Variants in PRRG4 observed in about 807,000 individuals in gnomAD.
PRRG4 encodes transmembrane gamma-carboxyglutamic acid protein 4.
In PRRG4, 12 loss-of-function variants were observed where a neutral mutation model predicts 20.0. That is an observed-to-expected ratio of 0.60 (90% CI 0.38 to 0.97). The LOEUF (loss-of-function observed/expected upper bound fraction) is 0.97, where lower values mean the gene tolerates loss of function less well. Ranked by LOEUF, PRRG4 falls within the 50% of genes least tolerant of loss-of-function variation. PRRG4 has a pLI of 0.00. For missense variants in PRRG4, 199 were observed against 265.1 expected (o/e 0.75, Z 1.73); for synonymous variants, 94 against 96.4 (o/e 0.98, Z 0.15).
intron 5 of PRRG4, 143 bp from the exon 6 acceptor site, chr11:32,853,153 C>T: frequency 1.6e-6 from 1 of 628,676 alleles, no homozygotes; most frequent in Non-Finnish European, 2.8e-6. Context: ...CCAAGACTTT[C>T]AGAGTCTGGG....
At chr11:32,837,240 C>T (rs1470682189) in intron 3 of PRRG4, among the ~76,000 whole-genome samples, 2 of 152,026 alleles carry the variant, frequency 1.3e-5, no homozygotes, top group South Asian at 4.2e-4. Flanking sequence ...GGTGACCTTA[C>T]CTTTTTTGAT....
intron 2 of PRRG4, among the ~76,000 whole-genome samples, chr11:32,835,934 T>A (rs1851015696): frequency 6.6e-6 from 1 of 151,884 alleles, no homozygotes; most frequent in Non-Finnish European, 1.5e-5. Flanking sequence ...AAACCTCATA[T>A]CTACTAAAAA....
intron 5 of PRRG4, among the ~76,000 whole-genome samples, chr11:32,850,334 G>A (rs1851170796): frequency 6.6e-6 from 1 of 152,124 alleles, no homozygotes; most frequent in African/African-American, 2.4e-5. Flanking sequence ...CTGCATAAGG[G>A]ATGGAGCAGA....
chr11:32,838,556 A>C (rs986510859), intron 3 of PRRG4, among the ~76,000 whole-genome samples: 1 of 152,048 alleles, frequency 6.6e-6, no homozygotes, highest in South Asian at 2.1e-4. Flanking sequence ...CTCAACTTCT[A>C]CCTTTGGTAC....
intron 4 of PRRG4, 134 bp from the exon 5 acceptor site, chr11:32,839,973 C>T (rs1272713899): frequency 4.0e-6 from 2 of 503,394 alleles, no homozygotes; most frequent in African/African-American, 2.0e-5. Context: ...TTCTCTAGCA[C>T]AAAGACTTGA....
In PRRG4 at chr11:32,858,034, T is replaced by C. The variant is rs1851242583; in HGVS notation, c.*4507T>C. The C allele has an allele frequency of 6.6e-6, 1 of 152,154 alleles. No homozygotes were observed. The highest frequency in any genetic ancestry group is 2.4e-5 in the African/African-American group (1 of 41,462). 9.4% of individuals were successfully genotyped at this position (152,154 alleles called of 1,614,324 possible). A position where few individuals can be genotyped will look rare whatever the true frequency, so the allele number is the denominator to read the frequency against. On this transcript the variant is annotated 3_prime_UTR_variant, in exon 6 of 6. Transcript: ENST00000257836. Reference sequence around the variant, plus strand: ...CAACCCATTTTCTAAATTCATATTTTTCCTAAAACTTTACTATGTTTTTAT... The same window carrying C: ...CAACCCATTTTCTAAATTCATATTTCTCCTAAAACTTTACTATGTTTTTAT...
In PRRG4 at chr11:32,855,789, G is replaced by T. The variant is rs1303628992; in HGVS notation, c.*2262G>T. Reference sequence around the variant, plus strand: ...GTCTTGGCTTTACATAAGCACTTTTGCTCATGTGACTTTGCACTTTGCACT... The same window carrying T: ...GTCTTGGCTTTACATAAGCACTTTTTCTCATGTGACTTTGCACTTTGCACT... On this transcript the variant is annotated 3_prime_UTR_variant, in exon 6 of 6. Coordinates refer to ENST00000257836, the MANE Select transcript of PRRG4 (RefSeq NM_024081.6). 1 of 152,136 alleles carries T rather than the reference G, an allele frequency of 6.6e-6. No homozygotes were observed. The highest frequency in any genetic ancestry group is 1.5e-5 in the Non-Finnish European group (1 of 68,020). The allele number at this position is 152,136 out of a possible 1,614,324, so 9.4% of individuals were successfully genotyped here.
chr11:32,830,779 T>C, intron 2 of PRRG4, 147 bp downstream of exon 2: 1 of 1,275,722 alleles, frequency 7.8e-7, no homozygotes, highest in Admixed American at 2.6e-5. Context: ...GGCAAGGTTG[T>C]GTTTTTTTAT....
At chr11:32,843,367 C>T (rs879680854) in intron 5 of PRRG4, among the ~76,000 whole-genome samples, 69 of 152,048 alleles carry the variant, frequency 4.5e-4, no homozygotes, top group Admixed American at 3.1e-3. Context: ...CATAATCCTA[C>T]TTTTCAAAAA....
At position 32,856,428 on chromosome 11, in the gene PRRG4, A is replaced by T. The variant is rs1202485537; in HGVS notation, c.*2901A>T. The stretch of plus-strand genomic sequence containing the variant: ...AAAAGGAAAATATGATAGAACTGTT[A>T]TTGACAAATGCTTATAATGATTGAA... On this transcript the variant is annotated 3_prime_UTR_variant, in exon 6 of 6. Coordinates refer to ENST00000257836, the MANE Select transcript of PRRG4 (RefSeq NM_024081.6). The T allele has an allele frequency of 6.6e-6, 1 of 152,216 alleles. No individual in the cohort carries two copies. The highest frequency in any genetic ancestry group is 6.5e-5 in the Admixed American group (1 of 15,286). The allele number at this position is 152,216 out of a possible 1,614,324, so 9.4% of individuals were successfully genotyped here.
chr11:32,846,339 A>G (rs1445836190), intron 5 of PRRG4, among the ~76,000 whole-genome samples: 4 of 152,178 alleles, frequency 2.6e-5, no homozygotes, highest in African/African-American at 7.2e-5. Flanking sequence ...CCTGTGATGA[A>G]GAGTAGTGAG....
chr11:32,837,709 C>T (rs1301740037), intron 3 of PRRG4, among the ~76,000 whole-genome samples: 1 of 151,866 alleles, frequency 6.6e-6, no homozygotes, highest in Non-Finnish European at 1.5e-5. Flanking sequence ...AGGCACATGC[C>T]ACCACGCCTG....
rs1017185688 is a variant in PRRG4, at chr11:32,852,343, C to T, written c.450-953C>T. 5.9e-5 allele frequency among the ~76,000 whole-genome samples: 9 copies of T among 152,010 alleles called. No homozygotes were observed. In the East Asian group the frequency reaches 1.2e-3, roughly 20 times the overall value. ...ACTTGACTCAGCTGGAAGTATGCTG[C>T]GGGTTTGGCTTCTGAGGAGAAGAAT... On this transcript the variant is annotated intron_variant, in intron 5 of 5. Coordinates refer to ENST00000257836, the MANE Select transcript of PRRG4 (RefSeq NM_024081.6).
At chr11:32,835,506 G>C (rs11821224) in intron 2 of PRRG4, among the ~76,000 whole-genome samples, 30,816 of 152,180 alleles carry the variant, frequency 0.2, 3,450 homozygotes, top group East Asian at 0.55. Context: ...ACCAGAACAA[G>C]TTTAAAGTTT....
In PRRG4 at chr11:32,853,606, C is replaced by G; in HGVS notation, c.*79C>G. 8.7e-7 allele frequency: 1 copy of G among 1,151,234 alleles called. No individual in the cohort carries two copies. The highest frequency in any genetic ancestry group is 1.3e-6 in the Non-Finnish European group (1 of 789,060). The allele number at this position is 1,151,234 out of a possible 1,614,324, so 71.3% of individuals were successfully genotyped here. A position where few individuals can be genotyped will look rare whatever the true frequency, so the allele number is the denominator to read the frequency against. On this transcript the variant is annotated 3_prime_UTR_variant, in exon 6 of 6. Transcript: ENST00000257836. Reference sequence around the variant, plus strand: ...GTGGCTCATGCCTGTAATCCCAGCACTTTGGGAGGCCAGGAGTTCGAGACC... The same window carrying G: ...GTGGCTCATGCCTGTAATCCCAGCAGTTTGGGAGGCCAGGAGTTCGAGACC...
At position 32,830,643 on chromosome 11, in the gene PRRG4, A is replaced by T. The variant is rs1312564057; in HGVS notation, c.103+11A>T. 6.2e-7 allele frequency: 1 copy of T among 1,613,904 alleles called. No individual in the cohort carries two copies. The highest frequency in any genetic ancestry group is 8.5e-7 in the Non-Finnish European group (1 of 1,179,984). ...ATGCGGGAGAAGAAGGTAAGCACTA[A>T]AACGTCCCTGGAACCCAGAGCCGCA... On this transcript the variant is annotated intron_variant, in intron 2 of 5. Coordinates refer to ENST00000257836, the MANE Select transcript of PRRG4 (RefSeq NM_024081.6).
At chr11:32,829,800 C>T, upstream of PRRG4, 1 of 985,418 alleles carries the variant, frequency 1.0e-6, no homozygotes, top group Non-Finnish European at 1.2e-6. Flanking sequence ...GAAGCTGGGG[C>T]GGCTGAGAGC....
At position 32,840,239 on chromosome 11, in the gene PRRG4, G is replaced by A. The variant is rs1199106952; in HGVS notation, c.449G>A (p.Cys150Tyr). The A allele has an allele frequency of 6.3e-7, 1 of 1,586,710 alleles. No homozygotes were observed. Among genetic ancestry groups the A allele is most frequent in the South Asian group, 1.1e-5 (1 of 88,420 alleles). Residue 150 changes from cysteine (C) to tyrosine (Y), a missense_variant and splice_region_variant, in exon 5 of 6, where the codon TGC (cysteine) becomes TAC (tyrosine). Coordinates refer to ENST00000257836, the MANE Select transcript of PRRG4 (RefSeq NM_024081.6). This position sits in a 1 kb window ranked among gnomAD's most constrained non-coding sequence, Gnocchi z 4.1. The stretch of plus-strand genomic sequence containing the variant: ...AAGTGTAATAGGCTACAACATCCAT[G>A]GTAAGTACTAAGTGAAATTATTTAA... ...ITKCNRLQHP[C>Y]SSAVYERGRH...
At chr11:32,844,467 CTATTATTAT>C (rs148170116) in intron 5 of PRRG4, among the ~76,000 whole-genome samples, 17,659 of 143,028 alleles carry the variant, frequency 0.12, 1,271 homozygotes, top group East Asian at 0.2. Context: ...TAAATGTTAG[CTATTATTAT>C]TATTATTATT....
Sources: gnomAD v4.1 joint callset for allele counts (sites outside exome capture counted in the v4.1 genomes callset) on GRCh38, gnomAD v4.1.1 for gene constraint, Gnocchi (gnomAD v3.1) non-coding constraint, MANE v1.5 for transcripts, NCBI Gene and HGNC (gene_info 2026-07-23, HGNC 2026-07-21) for gene names.